The following MON2 variants were observed in gnomAD, a reference collection of about 807,000 sequenced individuals.
MON2 encodes the protein protein MON2 homolog.
A neutral mutation model predicts 208.6 loss-of-function variants in MON2; 84 were observed. The ratio of observed to expected loss-of-function variants is 0.40; its 90% CI spans 0.34 to 0.48. The LOEUF is 0.48. Among genes scored for constraint, MON2 ranks in the 20% least tolerant of loss-of-function variants. The probability of loss-of-function intolerance (pLI) is 0.59; values close to 1 mark genes in which losing one functional copy is unlikely to be tolerated. For synonymous variants in MON2, 660 were observed against 694.0 expected (o/e 0.95, Z 0.77); for missense variants, 1,611 against 2,015.4 (o/e 0.80, Z 3.84).
chr12:62,545,867 C>T (rs1003215186), intron 21 of MON2, among the ~76,000 whole-genome samples: 1 of 152,134 alleles, frequency 6.6e-6, no homozygotes, highest in African/African-American at 2.4e-5. Context: ...TCTTCTGCAA[C>T]AATTTGAATT....
rs932196154 is a variant in MON2 at position 62,562,331 on chromosome 12, G to C, written c.4032+1218G>C. ...TTTTTTTTTTCAGAAAAAAATGTAA[G>C]TTTTATTTTTAAAAAACTCTGCTTT... On this transcript the variant is annotated intron_variant, in intron 26 of 34. Coordinates refer to ENST00000393630, the MANE Select transcript of MON2 (RefSeq NM_015026.3). Among the ~76,000 whole-genome samples, 70 of 151,310 alleles carry C rather than the reference G, an allele frequency of 4.6e-4. 2 individuals carry two copies. The highest frequency in any genetic ancestry group is 3.2e-3 in the Admixed American group (49 of 15,160).
At chr12:62,526,204 T>A in intron 11 of MON2, 102 bp downstream of exon 11, 18 of 1,089,090 alleles carry the variant, frequency 1.7e-5, no homozygotes, top group Non-Finnish European at 2.4e-5. Flanking sequence ...ACCCACTACT[T>A]CTAAGGTATT....
intron 26 of MON2, among the ~76,000 whole-genome samples, chr12:62,564,779 A>G (rs1335063208): frequency 1.3e-5 from 2 of 152,146 alleles, no homozygotes; most frequent in Non-Finnish European, 2.9e-5. Flanking sequence ...TTATTTTCCC[A>G]ACTGTAACAC....
At position 62,486,500 on chromosome 12, in the gene MON2, A is replaced by T. The variant is rs371271871; in HGVS notation, c.175+2267A>T. Among the ~76,000 whole-genome samples, 9 of 152,284 alleles carry T rather than the reference A, an allele frequency of 5.9e-5. No individual in the cohort carries two copies. In the East Asian group the frequency reaches 1.2e-3, roughly 20 times the overall value. On this transcript the variant is annotated intron_variant, in intron 2 of 34. Transcript: ENST00000393630. ...AATCTTCGTAGTATCCAGAGCCCAT[A>T]TACTTGAGGAGGTATATTTGCACTT...
intron 30 of MON2, among the ~76,000 whole-genome samples, chr12:62,574,955 C>G (rs1430170801): frequency 7.7e-6 from 1 of 130,552 alleles, no homozygotes; most frequent in African/African-American, 3.2e-5. Context: ...GAGACTCCGC[C>G]TCTACAAAAA....
At chr12:62,588,214 G>C in intron 34 of MON2, 58 bp downstream of exon 34, 1 of 1,191,832 alleles carries the variant, frequency 8.4e-7, no homozygotes, top group Non-Finnish European at 1.2e-6. Context: ...ATTTGTGATG[G>C]ACTTTTGTCT....
At chr12:62,562,843 A>G (rs2074248794) in intron 26 of MON2, among the ~76,000 whole-genome samples, 1 of 152,164 alleles carries the variant, frequency 6.6e-6, no homozygotes, top group Non-Finnish European at 1.5e-5. Flanking sequence ...TAGGACTTCA[A>G]GTTCTCAGTC....
At chr12:62,557,433 T>TG (rs2074008997) in intron 25 of MON2, among the ~76,000 whole-genome samples, 1 of 152,224 alleles carries the variant, frequency 6.6e-6, no homozygotes, top group African/African-American at 2.4e-5. Context: ...CATCTTACAA[T>TG]GCAGCCTCCT....
chr12:62,572,559 C>A (rs1431667793), intron 30 of MON2, among the ~76,000 whole-genome samples: 1 of 152,292 alleles, frequency 6.6e-6, no homozygotes, highest in East Asian at 1.9e-4. Context: ...AATCCTCTCA[C>A]CTCAGCCTCC....
chr12:62,508,610 A>G, intron 8 of MON2, 130 bp downstream of exon 8: 1 of 698,582 alleles, frequency 1.4e-6, no homozygotes, highest in Non-Finnish European at 2.5e-6. Flanking sequence ...ACCTACGTGT[A>G]GTCTAGGTAC....
chr12:62,481,949 T>C (rs1161541222), intron 1 of MON2, among the ~76,000 whole-genome samples: 1 of 152,160 alleles, frequency 6.6e-6, no homozygotes, highest in African/African-American at 2.4e-5. Context: ...ATGGCAAAAC[T>C]CATGCCAGCG....
At chr12:62,543,225 A>C (rs1334425829) in intron 20 of MON2, 27 bp downstream of exon 20, 1 of 1,240,720 alleles carries the variant, frequency 8.1e-7, no homozygotes, top group African/African-American at 1.6e-5. Context: ...AAATATATTT[A>C]ATTTTTTAAT....
rs947877088 is a variant in MON2, at chr12:62,467,000, CG to C, written c.-202del. The stretch of plus-strand genomic sequence containing the variant: ...GGAGCCTAGCGGGACGGTGCGACTG[CG>C]GGGGGCGCCTCCGAGAAAAGCCAGA... On this transcript the variant is annotated 5_prime_UTR_variant, in exon 1 of 35. Coordinates refer to ENST00000393630, the MANE Select transcript of MON2 (RefSeq NM_015026.3). 1.9e-6 allele frequency: 1 copy of C among 523,174 alleles called. No homozygotes were observed. The highest frequency in any genetic ancestry group is 3.4e-6 in the Non-Finnish European group (1 of 294,858). The allele number at this position is 523,174 out of a possible 1,614,324, so 32.4% of individuals were successfully genotyped here.
chr12:62,515,779 C>T (rs1393754197), intron 8 of MON2, among the ~76,000 whole-genome samples: 1 of 151,746 alleles, frequency 6.6e-6, no homozygotes, highest in Non-Finnish European at 1.5e-5. Context: ...CACACAATTG[C>T]ACTCCAGCCT....
intron 8 of MON2, among the ~76,000 whole-genome samples, chr12:62,521,190 G>A (rs2072020671): frequency 6.6e-6 from 1 of 151,944 alleles, no homozygotes; most frequent in Admixed American, 6.6e-5. Flanking sequence ...AATATTTTTA[G>A]TAGACACGGG....
intron 33 of MON2, among the ~76,000 whole-genome samples, chr12:62,586,883 T>C (rs958274805): frequency 1.3e-5 from 2 of 152,230 alleles, no homozygotes; most frequent in Non-Finnish European, 2.9e-5. Context: ...AATTGAGCCT[T>C]ATTTATAATT....
intron 32 of MON2, among the ~76,000 whole-genome samples, chr12:62,582,836 A>G (rs1320050596): frequency 6.6e-6 from 1 of 152,174 alleles, no homozygotes; most frequent in African/African-American, 2.4e-5. Context: ...TTTTGCTTTT[A>G]AGTATGATCT....
intron 19 of MON2, among the ~76,000 whole-genome samples, chr12:62,540,548 T>A (rs969544762): frequency 6.6e-6 from 1 of 152,132 alleles, no homozygotes; most frequent in Admixed American, 6.6e-5. Flanking sequence ...AATAGGAGAT[T>A]TGATGATTAA....
chr12:62,520,213 G>A (rs2071945975), intron 8 of MON2, among the ~76,000 whole-genome samples: 1 of 152,180 alleles, frequency 6.6e-6, no homozygotes, highest in South Asian at 2.1e-4. Flanking sequence ...TTTTAGTCAT[G>A]CATGATTTTG....
Sources: allele counts gnomAD v4.1 joint callset (sites outside exome capture counted in the v4.1 genomes callset), GRCh38; gene constraint gnomAD v4.1.1; transcripts MANE v1.5; gene names NCBI Gene and HGNC (gene_info 2026-07-23, HGNC 2026-07-21).